The following EYS variants were observed in gnomAD, a reference collection of about 807,000 sequenced individuals.
EYS encodes the protein protein eyes shut homolog.
In EYS, 250 loss-of-function variants were observed where a neutral mutation model predicts 282.1. That is an observed-to-expected ratio of 0.89 (90% CI 0.80 to 0.98). EYS has a LOEUF of 0.98. Among genes scored for constraint, EYS ranks in the 50% least tolerant of loss-of-function variants. EYS has a pLI of 0.00. For missense variants in EYS, 4,016 were observed against 3,709.0 expected (o/e 1.08, Z -2.15); for synonymous variants, 1,355 against 1,282.9 (o/e 1.06, Z -1.20).
At chr6:64,945,656 G>T in intron 15 of EYS, 137 bp downstream of exon 15, 1 of 697,042 alleles carries the variant, frequency 1.4e-6, no homozygotes, top group Non-Finnish European at 2.2e-6. Flanking sequence ...ACACCATCTT[G>T]TCAGTAAATG....
At chr6:65,149,611 A>C (rs1314547391) in intron 12 of EYS, among the ~76,000 whole-genome samples, 1 of 151,766 alleles carries the variant, frequency 6.6e-6, no homozygotes, top group African/African-American at 2.4e-5. Flanking sequence ...GCTGGACTTC[A>C]TTGTCCAAAT....
chr6:65,040,737 T>G (rs1006188642), intron 13 of EYS, among the ~76,000 whole-genome samples: 1 of 151,616 alleles, frequency 6.6e-6, no homozygotes, highest in Non-Finnish European at 1.5e-5. Context: ...CTAAAAAAAT[T>G]TGATTACCCC....
chr6:65,689,505 C>T (rs1027305271), intron 1 of EYS, among the ~76,000 whole-genome samples: 2 of 148,930 alleles, frequency 1.3e-5, no homozygotes, highest in African/African-American at 4.9e-5. Flanking sequence ...GCACATGTAC[C>T]CTAAAACTTA....
At chr6:65,432,451 C>T (rs994091315) in intron 5 of EYS, among the ~76,000 whole-genome samples, 8 of 151,738 alleles carry the variant, frequency 5.3e-5, no homozygotes, top group African/African-American at 1.4e-4. Flanking sequence ...ACGAGTATTA[C>T]GAAAAAAATG....
intron 35 of EYS, among the ~76,000 whole-genome samples, chr6:63,927,725 G>A (rs543318334): frequency 4.6e-5 from 7 of 152,328 alleles, no homozygotes; most frequent in African/African-American, 1.2e-4. Context: ...TCAAGAGATC[G>A]TTAAGCAGAT....
intron 2 of EYS, among the ~76,000 whole-genome samples, chr6:65,627,382 TC>T (rs1383779857): frequency 6.6e-6 from 1 of 152,068 alleles, no homozygotes; most frequent in Non-Finnish European, 1.5e-5. Context: ...CTCACATCCC[TC>T]GCTCGCTCTC....
intron 1 of EYS, among the ~76,000 whole-genome samples, chr6:65,645,817 A>G (rs1418490814): frequency 9.2e-5 from 14 of 152,114 alleles, no homozygotes; most frequent in African/African-American, 3.4e-4. Flanking sequence ...AGTTTGAAGT[A>G]TGCTCAATTA....
At position 65,368,202 on chromosome 6, in the gene EYS, C is replaced by T. The variant is rs1212445683; in HGVS notation, c.1300-14585G>A. ...GGTAACCGCCCCCATGATTCAATTACCTCCCACTGGTTCCCTCCCATAACA... is the reference window on the plus strand; with the variant it reads ...GGTAACCGCCCCCATGATTCAATTATCTCCCACTGGTTCCCTCCCATAACA... On this transcript the variant is annotated intron_variant, in intron 8 of 42. Transcript: ENST00000503581. Among the ~76,000 whole-genome samples, 3 of 151,554 alleles carry T rather than the reference C, an allele frequency of 2.0e-5. No homozygotes were observed. In the Admixed American group the frequency reaches 2.0e-4, roughly 10 times the overall value.
intron 5 of EYS, among the ~76,000 whole-genome samples, chr6:65,487,270 T>C (rs58913719): frequency 1.2e-3 from 186 of 152,330 alleles, no homozygotes; most frequent in Middle Eastern, 6.8e-3. Flanking sequence ...AAGGGAATGC[T>C]TCCAGTTTTT....
intron 33 of EYS, among the ~76,000 whole-genome samples, chr6:64,065,925 C>T (rs1319967016): frequency 6.6e-6 from 1 of 152,034 alleles, no homozygotes; most frequent in African/African-American, 2.4e-5. Flanking sequence ...TTTTAAAATT[C>T]TTTTCACTTT....
Position 64,471,312 on chromosome 6 carries a change from T to G in EYS, c.5645-31960A>C, listed in dbSNP as rs1278120017. Among the ~76,000 whole-genome samples the G allele has an allele frequency of 2.6e-5, 4 of 152,146 alleles. No homozygotes were observed. The East Asian group carries it at 7.7e-4, about 29-fold the overall frequency. Reference sequence around the variant, plus strand: ...AAGAGGAAGTCAAATTGTCTCTGTTTGCAGGTGATATAATCCTATGTAGAG... The same window carrying G: ...AAGAGGAAGTCAAATTGTCTCTGTTGGCAGGTGATATAATCCTATGTAGAG... On this transcript the variant is annotated intron_variant, in intron 26 of 42. Transcript: ENST00000503581.
intron 12 of EYS, among the ~76,000 whole-genome samples, chr6:65,106,081 T>G (rs1775027128): frequency 6.6e-6 from 1 of 152,052 alleles, no homozygotes; most frequent in Non-Finnish European, 1.5e-5. Flanking sequence ...ATGGGGCTAC[T>G]TACTCAGTAA....
At chr6:64,688,140 G>A (rs12528707) in intron 22 of EYS, among the ~76,000 whole-genome samples, 8,629 of 151,276 alleles carry the variant, frequency 0.057, 317 homozygotes, top group East Asian at 0.15. Context: ...TCTTGCTAGC[G>A]GTCAATCAAT....
chr6:65,141,856 A>G (rs1312466998), intron 12 of EYS, among the ~76,000 whole-genome samples: 1 of 152,080 alleles, frequency 6.6e-6, no homozygotes, highest in African/African-American at 2.4e-5. Context: ...TCTTTCAGAA[A>G]TGAAGACATT....
intron 31 of EYS, among the ~76,000 whole-genome samples, chr6:64,151,363 A>ATTTATATATATAT (rs1491135650): frequency 3.2e-5 from 2 of 62,846 alleles, no homozygotes; most frequent in African/African-American, 1.4e-4. Context: ...ATATATATAT[A>ATTTATATATATAT]ATTTTTTTTT....
At chr6:64,033,953 T>C (rs182797014) in intron 33 of EYS, among the ~76,000 whole-genome samples, 35 of 152,302 alleles carry the variant, frequency 2.3e-4, no homozygotes, top group Non-Finnish European at 3.5e-4. Flanking sequence ...AGCTGAGTAG[T>C]ATCTTGAACA....
chr6:65,435,049 A>G (rs1768023070), intron 5 of EYS, among the ~76,000 whole-genome samples: 1 of 151,854 alleles, frequency 6.6e-6, no homozygotes. Context: ...AATTAATATC[A>G]CACATCTAAA....
At chr6:64,499,666 A>C (rs566644840) in intron 26 of EYS, among the ~76,000 whole-genome samples, 1 of 152,086 alleles carries the variant, frequency 6.6e-6, no homozygotes, top group African/African-American at 2.4e-5. Flanking sequence ...TTGTACTTAA[A>C]GCTCTTAGTA....
chr6:64,876,973 T>C (rs999304622), intron 19 of EYS, among the ~76,000 whole-genome samples: 1 of 152,138 alleles, frequency 6.6e-6, no homozygotes, highest in African/African-American at 2.4e-5. Flanking sequence ...AAATGATCAC[T>C]CTGGGTGCTA....
Sources: allele counts gnomAD v4.1 joint callset (sites outside exome capture counted in the v4.1 genomes callset), GRCh38; gene constraint gnomAD v4.1.1; transcripts MANE v1.5; gene names NCBI Gene and HGNC (gene_info 2026-07-23, HGNC 2026-07-21).